The following NRXN1 variants were observed in gnomAD, a reference collection of about 807,000 sequenced individuals.
NRXN1 encodes the protein neurexin 1, also known as neurexin-1.
Under a neutral mutation model 150.9 loss-of-function variants are expected in NRXN1, and 39 were observed. The observed-to-expected ratio is 0.26, with a 90% CI of 0.20 to 0.34. NRXN1 has a LOEUF of 0.34. Ranked by LOEUF, NRXN1 falls within the 10% of genes least tolerant of loss-of-function variation. The probability of loss-of-function intolerance (pLI) is 1.00; values close to 1 mark genes in which losing one functional copy is unlikely to be tolerated. For missense variants in NRXN1, 1,815 were observed against 1,949.9 expected (o/e 0.93, Z 1.30); for synonymous variants, 924 against 757.0 (o/e 1.22, Z -3.62).
Position 50,679,986 on chromosome 2 carries a change from G to C in NRXN1, c.833-56371C>G, listed in dbSNP as rs180974028. Among the ~76,000 whole-genome samples the C allele has an allele frequency of 1.4e-4, 22 of 151,836 alleles. No homozygotes were observed. In the East Asian group the frequency reaches 3.7e-3, roughly 26 times the overall value. On this transcript the variant is annotated intron_variant, in intron 5 of 22. Coordinates refer to ENST00000401669, the MANE Select transcript of NRXN1 (RefSeq NM_001330078.2). Reference sequence around the variant, plus strand: ...CGTCTCTACAAAAATACAAAAATTAGCTGGGCATAGTGGTGTGCGCCTGTA... The same window carrying C: ...CGTCTCTACAAAAATACAAAAATTACCTGGGCATAGTGGTGTGCGCCTGTA...
At chr2:50,908,056 G>A (rs536102189) in intron 5 of NRXN1, among the ~76,000 whole-genome samples, 5 of 152,136 alleles carry the variant, frequency 3.3e-5, no homozygotes, top group African/African-American at 9.6e-5. Context: ...ATGTAAAAAT[G>A]TATTCACCTA....
intron 21 of NRXN1, among the ~76,000 whole-genome samples, chr2:50,014,766 G>A (rs1392432958): frequency 6.6e-6 from 1 of 151,984 alleles, no homozygotes; most frequent in Non-Finnish European, 1.5e-5. Context: ...TAATTCTAGG[G>A]CCTGGATTTG....
chr2:50,347,593 G>A lies in NRXN1; in HGVS notation c.3365-110623C>T, dbSNP rs201810237. 5.0e-5 allele frequency: 51 copies of A among 1,012,500 alleles called. No homozygotes were observed. In the South Asian group the frequency reaches 1.6e-3, roughly 32 times the overall value. 62.7% of individuals were successfully genotyped at this position (1,012,500 alleles called of 1,614,324 possible). A position where few individuals can be genotyped will look rare whatever the true frequency, so the allele number is the denominator to read the frequency against. ...ATCGCCTGCTCCCGAGGCAATCTCC[G>A]CGTCCGCCGCCTCCTGACACTTACG... On this transcript the variant is annotated intron_variant, in intron 17 of 22. Transcript: ENST00000401669. This position sits in a 1 kb window ranked among gnomAD's most constrained non-coding sequence, Gnocchi z 4.9.
intron 2 of NRXN1, among the ~76,000 whole-genome samples, chr2:50,947,240 G>C (rs906768176): frequency 6.6e-6 from 1 of 151,844 alleles, no homozygotes; most frequent in Non-Finnish European, 1.5e-5. Flanking sequence ...CCTTTTTCTA[G>C]CATTTAGCAG....
chr2:50,642,815 A>G (rs1684262217), intron 5 of NRXN1, among the ~76,000 whole-genome samples: 1 of 151,982 alleles, frequency 6.6e-6, no homozygotes, highest in African/African-American at 2.4e-5. Flanking sequence ...ATGGTCTATT[A>G]CTAGACATTT....
At chr2:51,014,335 G>A (rs911551065) in intron 2 of NRXN1, among the ~76,000 whole-genome samples, 4 of 151,980 alleles carry the variant, frequency 2.6e-5, no homozygotes, top group African/African-American at 7.2e-5. Flanking sequence ...AGTGAAGACA[G>A]CACTCTTTCT....
chr2:51,017,277 A>C (rs1668827653), intron 2 of NRXN1, among the ~76,000 whole-genome samples: 1 of 151,786 alleles, frequency 6.6e-6, no homozygotes, highest in South Asian at 2.1e-4. Context: ...TAAATATCAA[A>C]AGCAAATATG....
At chr2:50,103,492 A>G (rs750664093) in intron 18 of NRXN1, among the ~76,000 whole-genome samples, 9 of 152,012 alleles carry the variant, frequency 5.9e-5, no homozygotes, top group Non-Finnish European at 1.2e-4. Flanking sequence ...GTGTCCCAAA[A>G]TGCAGTCTTC....
chr2:50,359,218 C>A (rs1344407587), intron 17 of NRXN1, among the ~76,000 whole-genome samples: 1 of 151,884 alleles, frequency 6.6e-6, no homozygotes, highest in Non-Finnish European at 1.5e-5. Flanking sequence ...GGACCACAGC[C>A]CCCTGCAAGC....
chr2:50,899,079 C>T (rs1442741991), intron 5 of NRXN1, among the ~76,000 whole-genome samples: 1 of 152,058 alleles, frequency 6.6e-6, no homozygotes, highest in Non-Finnish European at 1.5e-5. Flanking sequence ...AAGAACTATT[C>T]AGCAGAGACA....
At chr2:50,040,323 T>C (rs983700465) in intron 21 of NRXN1, among the ~76,000 whole-genome samples, 7 of 151,052 alleles carry the variant, frequency 4.6e-5, no homozygotes, top group East Asian at 1.9e-4. Context: ...ACAAAATTTA[T>C]ATATAATTTA....
intron 8 of NRXN1, among the ~76,000 whole-genome samples, chr2:50,606,052 C>T (rs994052897): frequency 6.6e-6 from 1 of 151,944 alleles, no homozygotes; most frequent in South Asian, 2.1e-4. Flanking sequence ...AGTTCAAGAC[C>T]AGCCTGGTCA....
chr2:50,595,618 A>G (rs1403261521), intron 8 of NRXN1, among the ~76,000 whole-genome samples: 1 of 152,168 alleles, frequency 6.6e-6, no homozygotes. Flanking sequence ...TGAGATTAAT[A>G]GAAACGGATC....
intron 18 of NRXN1, among the ~76,000 whole-genome samples, chr2:50,155,977 A>T (rs2058994494): frequency 6.6e-6 from 1 of 151,710 alleles, no homozygotes; most frequent in Non-Finnish European, 1.5e-5. Flanking sequence ...TTGTTAACTT[A>T]AAAATCTAAG....
At chr2:50,342,043 T>C (rs371394066) in intron 17 of NRXN1, among the ~76,000 whole-genome samples, 1 of 152,224 alleles carries the variant, frequency 6.6e-6, no homozygotes, top group Admixed American at 6.5e-5. Flanking sequence ...CTCCGATATC[T>C]TGCCTCCTCC....
chr2:50,987,743 G>T (rs1697938287), intron 2 of NRXN1, among the ~76,000 whole-genome samples: 1 of 151,868 alleles, frequency 6.6e-6, no homozygotes, highest in Admixed American at 6.6e-5. Flanking sequence ...GCTTGTCCAT[G>T]AATCAATAAT....
At chr2:50,773,269 A>T (rs1450838215) in intron 5 of NRXN1, among the ~76,000 whole-genome samples, 4 of 151,910 alleles carry the variant, frequency 2.6e-5, no homozygotes, top group Non-Finnish European at 5.9e-5. Context: ...AACTCCTTCA[A>T]CCTTTGTCCA....
At chr2:50,174,449 A>T (rs1316168867) in intron 18 of NRXN1, among the ~76,000 whole-genome samples, 1 of 152,208 alleles carries the variant, frequency 6.6e-6, no homozygotes, top group Non-Finnish European at 1.5e-5. Context: ...ACTAATACAC[A>T]GATGACTTCA....
intron 6 of NRXN1, among the ~76,000 whole-genome samples, chr2:50,622,875 A>C (rs1220887252): frequency 6.6e-6 from 1 of 152,132 alleles, no homozygotes; most frequent in Non-Finnish European, 1.5e-5. Context: ...TGGGAGGAGG[A>C]GGGAGTAGGG....
Sources: gnomAD v4.1 joint callset for allele counts (sites outside exome capture counted in the v4.1 genomes callset) on GRCh38, gnomAD v4.1.1 for gene constraint, Gnocchi (gnomAD v3.1) non-coding constraint, MANE v1.5 for transcripts, NCBI Gene and HGNC (gene_info 2026-07-23, HGNC 2026-07-21) for gene names.